The following EXOC4 variants were observed in gnomAD, a reference collection of about 807,000 sequenced individuals.
EXOC4 encodes SEC8-like 1.
Under a neutral mutation model 107.2 loss-of-function variants are expected in EXOC4, and 71 were observed. The ratio of observed to expected loss-of-function variants is 0.66; its 90% CI spans 0.55 to 0.81. The LOEUF (loss-of-function observed/expected upper bound fraction) is 0.81, where lower values mean the gene tolerates loss of function less well. Among genes scored for constraint, EXOC4 ranks in the 30% least tolerant of loss-of-function variants. The pLI is 0.00. For missense variants in EXOC4, 1,108 were observed against 1,189.6 expected, an observed-to-expected ratio of 0.93 and a Z score of 1.01; for synonymous variants, 456 against 441.2, an observed-to-expected ratio of 1.03 and a Z score of -0.42.
chr7:133,670,752 G>A (rs1042302495), intron 10 of EXOC4, among the ~76,000 whole-genome samples: 4 of 152,146 alleles, frequency 2.6e-5, no homozygotes, highest in African/African-American at 9.7e-5. Flanking sequence ...ACAACATGCT[G>A]TTCAAGCATT....
intron 13 of EXOC4, among the ~76,000 whole-genome samples, chr7:133,927,537 A>G (rs1800079649): frequency 6.6e-6 from 1 of 152,230 alleles, no homozygotes; most frequent in Non-Finnish European, 1.5e-5. Context: ...GGAGTAAATG[A>G]AAGGGGCGAA....
At chr7:133,881,678 AG>A (rs1798969550) in intron 11 of EXOC4, among the ~76,000 whole-genome samples, 1 of 152,152 alleles carries the variant, frequency 6.6e-6, no homozygotes, top group East Asian at 1.9e-4. Flanking sequence ...GGTATAGAGA[AG>A]GTACTTACTT....
chr7:133,915,471 T>C (rs188213103), intron 12 of EXOC4, among the ~76,000 whole-genome samples: 1 of 152,254 alleles, frequency 6.6e-6, no homozygotes, highest in East Asian at 1.9e-4. Context: ...ATCCCTTCCT[T>C]CTCTGTCAGA....
intron 9 of EXOC4, among the ~76,000 whole-genome samples, chr7:133,603,366 A>G (rs1056026515): frequency 6.6e-6 from 1 of 152,242 alleles, no homozygotes; most frequent in Non-Finnish European, 1.5e-5. Context: ...ATACCTAAAT[A>G]CAATCATTTC....
At chr7:133,335,891 A>T (rs1795501345) in intron 5 of EXOC4, among the ~76,000 whole-genome samples, 1 of 152,062 alleles carries the variant, frequency 6.6e-6, no homozygotes, top group African/African-American at 2.4e-5. Flanking sequence ...CCTAATGGGT[A>T]TGAGGATATA....
intron 9 of EXOC4, among the ~76,000 whole-genome samples, chr7:133,609,748 T>C (rs1321882151): frequency 6.6e-6 from 1 of 152,232 alleles, no homozygotes; most frequent in African/African-American, 2.4e-5. Context: ...TCGAGCTGAC[T>C]CGCTGGAGCC....
intron 13 of EXOC4, among the ~76,000 whole-genome samples, chr7:133,929,122 G>C (rs1306435598): frequency 2.0e-5 from 3 of 151,738 alleles, no homozygotes; most frequent in Non-Finnish European, 4.4e-5. Flanking sequence ...TAGTAGAGAT[G>C]GGGTTTCACC....
intron 9 of EXOC4, chr7:133,576,780 C>G: frequency 7.8e-7 from 1 of 1,289,370 alleles, no homozygotes; most frequent in Non-Finnish European, 1.0e-6. Flanking sequence ...GAGGCTTTTA[C>G]ACCCAGACAG....
intron 17 of EXOC4, among the ~76,000 whole-genome samples, chr7:134,030,486 G>T (rs1408521819): frequency 6.6e-6 from 1 of 152,182 alleles, no homozygotes; most frequent in East Asian, 1.9e-4. Context: ...AAGTTCACTG[G>T]CACAGGTATT....
intron 9 of EXOC4, among the ~76,000 whole-genome samples, chr7:133,575,455 G>A (rs1477422): frequency 0.86 from 131,441 of 152,222 alleles, 56,914 homozygotes; most frequent in Admixed American, 0.88. Context: ...GACCTATAAC[G>A]TATACAATAC....
chr7:133,873,487 G>A (rs538122460), intron 11 of EXOC4, among the ~76,000 whole-genome samples: 16 of 152,312 alleles, frequency 1.1e-4, no homozygotes, highest in Non-Finnish European at 1.9e-4. Flanking sequence ...AGTGGGTAGT[G>A]TGGATGTGTG....
intron 9 of EXOC4, among the ~76,000 whole-genome samples, chr7:133,482,710 G>A (rs1367698741): frequency 6.6e-6 from 1 of 152,144 alleles, no homozygotes; most frequent in Non-Finnish European, 1.5e-5. Flanking sequence ...CCTACTCCAT[G>A]AGGTGGTTAT....
At chr7:133,415,666 T>G (rs190492872) in intron 7 of EXOC4, among the ~76,000 whole-genome samples, 1 of 152,316 alleles carries the variant, frequency 6.6e-6, no homozygotes, top group East Asian at 1.9e-4. Context: ...TTAGCTATAT[T>G]TGTGTCATTT....
chr7:134,003,385 G>A (rs183789276), intron 15 of EXOC4, among the ~76,000 whole-genome samples: 2 of 152,270 alleles, frequency 1.3e-5, no homozygotes, highest in Admixed American at 6.5e-5. Flanking sequence ...TTATATGATT[G>A]TACATGTTTG....
chr7:133,324,863 C>T (rs1197921387), intron 5 of EXOC4, among the ~76,000 whole-genome samples: 1 of 152,180 alleles, frequency 6.6e-6, no homozygotes, highest in Non-Finnish European at 1.5e-5. Context: ...TTGTAGGTCT[C>T]TAAGGACTTG....
In EXOC4 at chr7:133,356,568, A is replaced by G. The variant is rs1796025660; in HGVS notation, c.1002A>G (p.Gln334=). Reference sequence around the variant, plus strand: ...GGGAGAACGTTACTGTGGAGAACCAACCAAGGTAGGTGGGAGTGTATTTTG... The same window carrying G: ...GGGAGAACGTTACTGTGGAGAACCAGCCAAGGTAGGTGGGAGTGTATTTTG... ...QRGENVTVEN[Q]PRLLLELLEL... is the part of the protein sequence containing the mutation. Residue 334 remains glutamine, a synonymous_variant, in exon 6 of 18, where the codon CAA becomes CAG. Coordinates refer to ENST00000253861, the MANE Select transcript of EXOC4 (RefSeq NM_021807.4). The G allele has an allele frequency of 4.3e-6, 7 of 1,613,790 alleles. No individual in the cohort carries two copies. The Admixed American group carries it at 8.3e-5, about 19-fold the overall frequency.
intron 3 of EXOC4, among the ~76,000 whole-genome samples, chr7:133,297,671 A>T (rs374306297): frequency 3.9e-5 from 6 of 152,202 alleles, no homozygotes; most frequent in Non-Finnish European, 8.8e-5. Context: ...GCTTTGTAGG[A>T]TATAAAGCAG....
intron 9 of EXOC4, among the ~76,000 whole-genome samples, chr7:133,625,879 A>G (rs1386120213): frequency 6.6e-6 from 1 of 152,120 alleles, no homozygotes; most frequent in Non-Finnish European, 1.5e-5. Context: ...TGACCTGTCC[A>G]GTGCTCTAAC....
chr7:133,475,380 C>T lies in EXOC4; in HGVS notation c.1235C>T (p.Pro412Leu). 1.2e-6 allele frequency: 2 copies of T among 1,613,888 alleles called. No individual in the cohort carries two copies. Among genetic ancestry groups the T allele is most frequent in the South Asian group, 2.2e-5 (2 of 91,080 alleles). ...AAAAATACTCGTACGGCCTCTGAAC[C>T]ATCAGCTCAACTAAGCTATGCCAGC... ...DMKNTRTASE[P>L]SAQLSYASTG... The change falls in exon 8 of 18, where the codon CCA becomes CTA. Residue 412 changes from proline to leucine, a missense_variant. Physicochemically the swap from Pro to Leu is moderately conservative, Grantham distance 98. Transcript: ENST00000253861.
Sources: gnomAD v4.1 joint callset for allele counts (sites outside exome capture counted in the v4.1 genomes callset) on GRCh38, gnomAD v4.1.1 for gene constraint, MANE v1.5 for transcripts, NCBI Gene and HGNC (gene_info 2026-07-23, HGNC 2026-07-21) for gene names.